The following GALNTL6 variants were observed in gnomAD, a reference collection of about 807,000 sequenced individuals.
The protein encoded by GALNTL6 is polypeptide N-acetylgalactosaminyltransferase like 6, also known as polypeptide N-acetylgalactosaminyltransferase-like 6.
In GALNTL6, 46 loss-of-function variants were observed where a neutral mutation model predicts 73.7. That is an observed-to-expected ratio of 0.62 (90% confidence interval 0.49 to 0.80). The LOEUF (loss-of-function observed/expected upper bound fraction) is 0.80, where lower values mean the gene tolerates loss of function less well. Among genes scored for constraint, GALNTL6 ranks in the 30% least tolerant of loss-of-function variants. GALNTL6 has a pLI of 0.00. For synonymous variants in GALNTL6, 259 were observed against 263.7 expected, an observed-to-expected ratio of 0.98 and a Z score of 0.17; for missense variants, 604 against 755.0, an observed-to-expected ratio of 0.80 and a Z score of 2.34.
chr4:172,455,862 G>A (rs1364462220), intron 5 of GALNTL6, among the ~76,000 whole-genome samples: 1 of 152,196 alleles, frequency 6.6e-6, no homozygotes, highest in East Asian at 1.9e-4. Context: ...GGGACAGACT[G>A]CCTCCTCAAG....
chr4:172,355,903 T>A (rs1742138480), intron 5 of GALNTL6, among the ~76,000 whole-genome samples: 1 of 152,180 alleles, frequency 6.6e-6, no homozygotes, highest in African/African-American at 2.4e-5. Flanking sequence ...TATTTCAATG[T>A]TTACGACCAA....
intron 7 of GALNTL6, among the ~76,000 whole-genome samples, chr4:172,856,227 T>C (rs1031273154): frequency 6.6e-6 from 1 of 152,226 alleles, no homozygotes; most frequent in African/African-American, 2.4e-5. Context: ...ATTATCTTTA[T>C]GCAATGAGTG....
intron 5 of GALNTL6, among the ~76,000 whole-genome samples, chr4:172,730,442 G>A (rs995345166): frequency 6.6e-6 from 1 of 152,122 alleles, no homozygotes; most frequent in Non-Finnish European, 1.5e-5. Flanking sequence ...TTAATAAAGG[G>A]ATGCTGAATT....
chr4:171,824,176 G>A (rs1734766842), intron 2 of GALNTL6, among the ~76,000 whole-genome samples: 1 of 148,738 alleles, frequency 6.7e-6, no homozygotes, highest in Admixed American at 6.7e-5. Context: ...GGTAGTACAG[G>A]GATTTTTCTA....
chr4:172,594,875 C>T (rs1472212396), intron 5 of GALNTL6, among the ~76,000 whole-genome samples: 1 of 152,160 alleles, frequency 6.6e-6, no homozygotes, highest in Non-Finnish European at 1.5e-5. Flanking sequence ...TCTGTTCTAG[C>T]TGCTATAACA....
At chr4:172,455,475 C>G (rs994328074) in intron 5 of GALNTL6, among the ~76,000 whole-genome samples, 1 of 152,168 alleles carries the variant, frequency 6.6e-6, no homozygotes, top group Non-Finnish European at 1.5e-5. Context: ...ATTCTTGCTG[C>G]GAGCACAGCA....
At chr4:172,155,951 T>A (rs1267422487) in intron 2 of GALNTL6, among the ~76,000 whole-genome samples, 1 of 152,130 alleles carries the variant, frequency 6.6e-6, no homozygotes, top group East Asian at 1.9e-4. Context: ...ACCAAATTAA[T>A]ATTTACATAC....
At chr4:172,718,013 T>C (rs917180126) in intron 5 of GALNTL6, among the ~76,000 whole-genome samples, 18 of 152,220 alleles carry the variant, frequency 1.2e-4, no homozygotes, top group Admixed American at 1.2e-3. Context: ...GTTTCAAAAT[T>C]ATAAATGTCA....
intron 5 of GALNTL6, among the ~76,000 whole-genome samples, chr4:172,578,496 G>A (rs1159749108): frequency 6.6e-6 from 1 of 152,166 alleles, no homozygotes; most frequent in East Asian, 1.9e-4. Context: ...AAAAAAATAT[G>A]TTTCCAAAGA....
intron 11 of GALNTL6, 103 bp downstream of exon 11, chr4:173,009,397 C>G: frequency 1.4e-6 from 1 of 734,762 alleles, no homozygotes; most frequent in Admixed American, 2.1e-5. Flanking sequence ...GCAGATGGTA[C>G]TTGTGGGACC....
intron 2 of GALNTL6, among the ~76,000 whole-genome samples, chr4:172,079,750 T>G (rs549403236): frequency 6.6e-6 from 1 of 152,236 alleles, no homozygotes; most frequent in African/African-American, 2.4e-5. Context: ...CTTATTTTTC[T>G]ACTGAAATAA....
intron 3 of GALNTL6, among the ~76,000 whole-genome samples, chr4:172,288,116 GT>G (rs1007115565): frequency 6.7e-6 from 1 of 149,130 alleles, no homozygotes; most frequent in Non-Finnish European, 1.5e-5. Context: ...TTTGAGATGG[GT>G]TTTCACTCTC....
intron 2 of GALNTL6, among the ~76,000 whole-genome samples, chr4:172,120,887 A>C (rs1733131002): frequency 6.6e-6 from 1 of 152,038 alleles, no homozygotes; most frequent in Non-Finnish European, 1.5e-5. Flanking sequence ...GGTGATAGGC[A>C]GGCCTAGTTT....
chr4:172,206,806 T>TTTGTA lies in GALNTL6; in HGVS notation c.139-22848_139-22847insGTATT, dbSNP rs1491159934. Reference sequence around the variant, plus strand: ...TGTTTTGTTTTGTTTTGTTTTTCTGTTTTTTTTGTTTGTTTTTTTTTTTTT... The same window carrying TTTGTA: ...TGTTTTGTTTTGTTTTGTTTTTCTGTTTGTATTTTTTTGTTTGTTTTTTTTTTTTT... On this transcript the variant is annotated intron_variant, in intron 2 of 12. Transcript: ENST00000506823. Among the ~76,000 whole-genome samples, 2 of 32,340 alleles carry TTTGTA rather than the reference T, an allele frequency of 6.2e-5. 1 individual carries two copies. 21.2% of individuals were successfully genotyped at this position (32,340 alleles called of 152,430 possible). A position where few individuals can be genotyped will look rare whatever the true frequency, so the allele number is the denominator to read the frequency against.
chr4:172,553,265 CT>C (rs1431690201), intron 5 of GALNTL6, among the ~76,000 whole-genome samples: 1 of 152,150 alleles, frequency 6.6e-6, no homozygotes, highest in Non-Finnish European at 1.5e-5. Flanking sequence ...ATATGTTTAG[CT>C]TCTTCAAATT....
At chr4:172,608,434 G>A (rs1579238076) in intron 5 of GALNTL6, among the ~76,000 whole-genome samples, 1 of 151,878 alleles carries the variant, frequency 6.6e-6, no homozygotes, top group Non-Finnish European at 1.5e-5. Flanking sequence ...AAGATCAGGT[G>A]GTTGTAGGTG....
intron 11 of GALNTL6, among the ~76,000 whole-genome samples, chr4:173,019,930 G>A (rs1561090265): frequency 1.3e-5 from 2 of 152,222 alleles, no homozygotes; most frequent in African/African-American, 2.4e-5. Context: ...GAAATATACT[G>A]AGGGCCTGGT....
chr4:173,023,641 G>A (rs1020052122), intron 12 of GALNTL6, among the ~76,000 whole-genome samples: 7 of 151,550 alleles, frequency 4.6e-5, no homozygotes, highest in Admixed American at 3.3e-4. Flanking sequence ...CAGCCTGGGC[G>A]ACAAGAGCGA....
intron 12 of GALNTL6, among the ~76,000 whole-genome samples, chr4:173,025,880 G>C (rs1255301095): frequency 6.6e-6 from 1 of 152,156 alleles, no homozygotes; most frequent in Non-Finnish European, 1.5e-5. Flanking sequence ...AACTGAGTGA[G>C]ATAAACTATG....
Sources: allele counts gnomAD v4.1 joint callset (sites outside exome capture counted in the v4.1 genomes callset), GRCh38; gene constraint gnomAD v4.1.1; transcripts MANE v1.5; gene names NCBI Gene and HGNC (gene_info 2026-07-23, HGNC 2026-07-21).